EP300: variants seen among roughly 807,000 people sequenced by gnomAD.
The protein encoded by EP300 is histone acetyltransferase p300.
A neutral mutation model predicts 264.0 loss-of-function variants in EP300; 31 were observed. The ratio of observed to expected loss-of-function variants is 0.12; its 90% CI spans 0.09 to 0.16. The LOEUF is 0.16. Ranked by LOEUF, EP300 falls within the 10% of genes least tolerant of loss-of-function variation. The probability of loss-of-function intolerance (pLI) is 1.00; values close to 1 mark genes in which losing one functional copy is unlikely to be tolerated. For missense variants in EP300, 2,766 were observed against 3,052.9 expected, an observed-to-expected ratio of 0.91 and a Z score of 2.21; for synonymous variants, 1,340 against 1,045.4, an observed-to-expected ratio of 1.28 and a Z score of -5.44.
chr22:41,152,762 T>A (rs1397072993), intron 16 of EP300, among the ~76,000 whole-genome samples: 1 of 306 alleles, frequency 3.3e-3, no homozygotes, highest in Non-Finnish European at 5.4e-3. Context: ...CTTTTTCTTT[T>A]CTTTTTTGTT....
chr22:41,161,144 C>T lies in EP300; in HGVS notation c.3671+422C>T, dbSNP rs546288642. 2.6e-5 allele frequency among the ~76,000 whole-genome samples: 4 copies of T among 152,332 alleles called. 1 individual carries two copies. In the South Asian group the frequency reaches 8.3e-4, roughly 32 times the overall value. On this transcript the variant is annotated intron_variant, in intron 20 of 30. Transcript: ENST00000263253. ...TGTTCTGAGTTTGAGGGTGATTGAA[C>T]TGATGACCACCTTACACCCTTCTCT...
Position 41,176,323 on chromosome 22 carries a change from T to C in EP300, c.4856T>C (p.Ile1619Thr), listed in dbSNP as rs2054738189. Residue 1619 changes from isoleucine to threonine, a missense_variant, in exon 30 of 31, where the codon ATC becomes ACC. Ile to Thr is a moderately conservative substitution (Grantham distance 89, BLOSUM62 -1). Coordinates refer to ENST00000263253, the MANE Select transcript of EP300 (RefSeq NM_001429.4). Reference protein sequence around the residue: ...LPPIVDPDPLIPCDLMDGRDA... With the variant: ...LPPIVDPDPLTPCDLMDGRDA... ...CCCATTGTTGATCCTGATCCTCTCA[T>C]CCCCTGCGATCTGATGGATGGTCGG... is the stretch of plus-strand genomic sequence containing the variant. 1 of 1,614,060 alleles carries C rather than the reference T, an allele frequency of 6.2e-7. No individual in the cohort carries two copies. Among genetic ancestry groups the C allele is most frequent in the Non-Finnish European group, 8.5e-7 (1 of 1,180,034 alleles).
In EP300 at chr22:41,092,622, G is replaced by C; in HGVS notation, c.-383G>C. 1 of 634,938 alleles carries C rather than the reference G, an allele frequency of 1.6e-6. No individual in the cohort carries two copies. Among genetic ancestry groups the C allele is most frequent in the Non-Finnish European group, 2.9e-6 (1 of 350,264 alleles). 39.3% of individuals were successfully genotyped at this position (634,938 alleles called of 1,614,324 possible). A position where few individuals can be genotyped will look rare whatever the true frequency, so the allele number is the denominator to read the frequency against. The stretch of plus-strand genomic sequence containing the variant: ...GGAGGAGGACAGCGCCGAGGAGGAA[G>C]AGGTTGATGGCGGCGGCGGAGCTCC... On this transcript the variant is annotated 5_prime_UTR_variant, in exon 1 of 31. Coordinates refer to ENST00000263253, the MANE Select transcript of EP300 (RefSeq NM_001429.4).
Position 41,173,705 on chromosome 22 carries a change from A to C in EP300, c.4700A>C (p.Asn1567Thr), listed in dbSNP as rs1186173163. Residue 1567 changes from asparagine (N) to threonine (T), a missense_variant, in exon 29 of 31, where the codon AAC (asparagine) becomes ACC (threonine). Physicochemically the swap from Asn to Thr is moderately conservative, Grantham distance 65. Transcript: ENST00000263253. ...AATAAGAGCAGCCTGAGTAGGGGCA[A>C]CAAGAAGAAACCCGGGATGCCCAAT... is the stretch of plus-strand genomic sequence containing the variant. Reference protein sequence around the residue: ...SKNKSSLSRGNKKKPGMPNVS... With the variant: ...SKNKSSLSRGTKKKPGMPNVS... 1.2e-6 allele frequency: 2 copies of C among 1,614,198 alleles called. No individual in the cohort carries two copies. Among genetic ancestry groups the C allele is most frequent in the South Asian group, 2.2e-5 (2 of 91,084 alleles).
chr22:41,170,702 C>T (rs947255170), intron 27 of EP300, 131 bp downstream of exon 27: 31 of 1,021,334 alleles, frequency 3.0e-5, no homozygotes, highest in African/African-American at 5.4e-5. Context: ...CGCTCTGTCA[C>T]GCAGGCTGGA....
intron 1 of EP300, among the ~76,000 whole-genome samples, chr22:41,096,515 C>A (rs942273165): frequency 4.6e-5 from 7 of 151,310 alleles, no homozygotes; most frequent in African/African-American, 1.7e-4. Flanking sequence ...ATTTCAAAGA[C>A]ACAGGGCAGA....
At position 41,125,968 on chromosome 22, in the gene EP300, T is replaced by G. The variant is rs375358513; in HGVS notation, c.834T>G (p.Thr278=). 8.1e-6 allele frequency: 13 copies of G among 1,614,204 alleles called. No homozygotes were observed. The highest frequency in any genetic ancestry group is 2.7e-5 in the African/African-American group (2 of 75,052). The stretch of plus-strand genomic sequence containing the variant: ...TTGGTCTCCAGATTCAGACAAAAAC[T>G]GTACTATCAAATAACTTATCTCCAT... ...SGLGLQIQTK[T]VLSNNLSPFA... The change falls in exon 3 of 31, where the codon ACT becomes ACG. Residue 278 remains threonine, a synonymous_variant. Coordinates refer to ENST00000263253, the MANE Select transcript of EP300 (RefSeq NM_001429.4).
intron 20 of EP300, among the ~76,000 whole-genome samples, chr22:41,161,092 T>G (rs1231063727): frequency 6.6e-6 from 1 of 152,124 alleles, no homozygotes; most frequent in Admixed American, 6.5e-5. Context: ...AAATTGGAGG[T>G]TAGTACAAGA....
chr22:41,126,828 T>A (rs1173128743), intron 3 of EP300, among the ~76,000 whole-genome samples: 1 of 140,850 alleles, frequency 7.1e-6, no homozygotes, highest in Non-Finnish European at 1.5e-5. Context: ...CACTGCAACT[T>A]CTCCCTCCTG....
At chr22:41,141,744 T>G (rs948107457) in intron 10 of EP300, among the ~76,000 whole-genome samples, 3 of 151,926 alleles carry the variant, frequency 2.0e-5, no homozygotes, top group African/African-American at 7.2e-5. Context: ...TGGCATGATC[T>G]TGGATCACTG....
intron 1 of EP300, among the ~76,000 whole-genome samples, chr22:41,105,158 C>G (rs949716304): frequency 1.6e-5 from 2 of 128,312 alleles, no homozygotes; most frequent in Admixed American, 8.3e-5. Context: ...GATCGTGCCA[C>G]TGCACTCCAG....
Position 41,140,218 on chromosome 22 carries a change from G to C in EP300, c.1839G>C (p.Arg613=). The change falls in exon 9 of 31, where the codon CGG becomes CGC. Residue 613 remains arginine (R), a synonymous_variant. Transcript: ENST00000263253. ...RRMENLVAYA[R]KVEGDMYESA... is the part of the protein sequence containing the mutation. ...TGGAAAACCTAGTTGCATATGCTCG[G>C]AAAGTTGAAGGGGACATGTATGAAT... The C allele has an allele frequency of 6.2e-7, 1 of 1,613,890 alleles. No individual in the cohort carries two copies. Among genetic ancestry groups the C allele is most frequent in the Non-Finnish European group, 8.5e-7 (1 of 1,179,764 alleles).
At chr22:41,104,510 G>T (rs548676288) in intron 1 of EP300, among the ~76,000 whole-genome samples, 2 of 151,832 alleles carry the variant, frequency 1.3e-5, no homozygotes, top group African/African-American at 2.4e-5. Flanking sequence ...GGCTGACCTC[G>T]AACTCCTGAC....
intron 2 of EP300, among the ~76,000 whole-genome samples, chr22:41,118,195 C>T (rs1317580195): frequency 6.6e-6 from 1 of 152,026 alleles, no homozygotes; most frequent in South Asian, 2.1e-4. Flanking sequence ...TTTGAATGTC[C>T]CTGGTTTTCA....
rs766113308 is a variant in EP300, at chr22:41,178,310, G to C, written c.6599G>C (p.Gly2200Ala). ...CAGCAGCAACAGGGAGCAGGGCCAG[G>C]AATAGGCCCTGGAATGGCCAACCAT... ...QQQQQQGAGPGIGPGMANHNQ... is the reference protein window; with the variant it reads ...QQQQQQGAGPAIGPGMANHNQ... The change falls in exon 31 of 31, where the codon GGA becomes GCA. Residue 2200 changes from glycine (G) to alanine (A), a missense_variant. Coordinates refer to ENST00000263253, the MANE Select transcript of EP300 (RefSeq NM_001429.4). The C allele has an allele frequency of 2.5e-6, 4 of 1,614,178 alleles. No individual in the cohort carries two copies. Among genetic ancestry groups the C allele is most frequent in the Middle Eastern group, 1.6e-4 (1 of 6,062 alleles).
chr22:41,109,012 T>C (rs571140156), intron 1 of EP300, among the ~76,000 whole-genome samples: 1 of 152,106 alleles, frequency 6.6e-6, no homozygotes, highest in South Asian at 2.1e-4. Context: ...GGCACACATA[T>C]GTAAGTAATC....
At chr22:41,096,138 G>A (rs1433173114) in intron 1 of EP300, among the ~76,000 whole-genome samples, 1 of 151,804 alleles carries the variant, frequency 6.6e-6, no homozygotes, top group Non-Finnish European at 1.5e-5. Context: ...TTTGAGAAAT[G>A]ACATTTTGTT....
chr22:41,161,475 G>A (rs988393115), intron 20 of EP300, among the ~76,000 whole-genome samples: 1 of 152,056 alleles, frequency 6.6e-6, no homozygotes, highest in Non-Finnish European at 1.5e-5. Flanking sequence ...AAATTAGCCG[G>A]GCATGGTGGT....
intron 8 of EP300, among the ~76,000 whole-genome samples, chr22:41,139,282 A>G (rs1181440327): frequency 6.6e-6 from 1 of 152,200 alleles, no homozygotes; most frequent in African/African-American, 2.4e-5. Context: ...AGCACTAAGT[A>G]ACGGAATTTG....
Sources: gnomAD v4.1 joint callset for allele counts (sites outside exome capture counted in the v4.1 genomes callset) on GRCh38, gnomAD v4.1.1 for gene constraint, MANE v1.5 for transcripts, NCBI Gene and HGNC (gene_info 2026-07-23, HGNC 2026-07-21) for gene names.